The following LRRC7 variants were observed in gnomAD, a reference collection of about 807,000 sequenced individuals.
LRRC7 encodes leucine-rich repeat-containing protein 7.
In LRRC7, 23 loss-of-function variants were observed where a neutral mutation model predicts 175.7. The ratio of observed to expected loss-of-function variants is 0.13; its 90% confidence interval spans 0.09 to 0.19. The LOEUF (loss-of-function observed/expected upper bound fraction) is 0.19, where lower values mean the gene tolerates loss of function less well. Among genes scored for constraint, LRRC7 ranks in the 10% least tolerant of loss-of-function variants. LRRC7 has a pLI of 1.00. For synonymous variants in LRRC7, 685 were observed against 680.9 expected, an observed-to-expected ratio of 1.01 and a Z score of -0.09; for missense variants, 1,354 against 1,904.7, an observed-to-expected ratio of 0.71 and a Z score of 5.38.
intron 7 of LRRC7, chr1:69,919,828 C>A: frequency 2.7e-6 from 2 of 738,446 alleles, no homozygotes; most frequent in African/African-American, 1.8e-5. Context: ...ACGTCATTGT[C>A]CGCACGGAGT....
chr1:69,954,925 A>T (rs996527083), intron 8 of LRRC7, among the ~76,000 whole-genome samples: 2 of 152,098 alleles, frequency 1.3e-5, no homozygotes, highest in African/African-American at 4.8e-5. Flanking sequence ...CAAGATGTTA[A>T]TGGCAAAGCA....
intron 13 of LRRC7, among the ~76,000 whole-genome samples, chr1:70,016,013 G>T (rs577896059): frequency 6.6e-6 from 1 of 152,312 alleles, no homozygotes; most frequent in South Asian, 2.1e-4. Flanking sequence ...AAACCAGATT[G>T]AGGGAAGTAA....
rs191614463 is a variant in LRRC7, at chr1:70,053,723, C to T, written c.4230+578C>T. ...CCCACAACAGGAGTAAAAAGAAAGC[C>T]ACAACTTGGGATAAGATACTTGCCA... On this transcript the variant is annotated intron_variant, in intron 23 of 26. Transcript: ENST00000651989. Among the ~76,000 whole-genome samples, 706 of 151,962 alleles carry T rather than the reference C, an allele frequency of 4.6e-3. 4 individuals carry two copies. The highest frequency in any genetic ancestry group is 6.5e-3 in the Non-Finnish European group (442 of 67,954).
rs1033720369 is a variant in LRRC7 at position 70,129,534 on chromosome 1, G to T, written c.*7647G>T. 1.6e-4 allele frequency among the ~76,000 whole-genome samples: 24 copies of T among 152,026 alleles called. No homozygotes were observed. The highest frequency in any genetic ancestry group is 4.1e-4 in the African/African-American group (17 of 41,382). On this transcript the variant is annotated 3_prime_UTR_variant, in exon 27 of 27. Transcript: ENST00000651989. ...TGGAATTCAACACTTTAAAAAGTGT[G>T]GGGGGGTTGCTTGAAAAGAGTCTTC...
intron 11 of LRRC7, among the ~76,000 whole-genome samples, chr1:70,004,232 A>G (rs1355956284): frequency 6.6e-6 from 1 of 152,158 alleles, no homozygotes; most frequent in Non-Finnish European, 1.5e-5. Context: ...TGGTACTAAA[A>G]TGGGGTGTGT....
chr1:69,936,760 ACT>A (rs1373325101), intron 8 of LRRC7, among the ~76,000 whole-genome samples: 1 of 151,514 alleles, frequency 6.6e-6, no homozygotes, highest in Non-Finnish European at 1.5e-5. Flanking sequence ...CTATTATTTC[ACT>A]CTTTGTGTCC....
At chr1:69,788,753 A>G (rs149391467) in intron 3 of LRRC7, among the ~76,000 whole-genome samples, 19 of 152,316 alleles carry the variant, frequency 1.2e-4, no homozygotes, top group African/African-American at 3.8e-4. Flanking sequence ...CAGCACCATC[A>G]ACAATAAAAT....
At chr1:69,936,802 T>C (rs1377820726) in intron 8 of LRRC7, among the ~76,000 whole-genome samples, 3 of 152,262 alleles carry the variant, frequency 2.0e-5, no homozygotes, top group African/African-American at 4.8e-5. Context: ...CTCCCACTTA[T>C]AAGTGAGAGC....
At chr1:69,882,781 A>T in intron 7 of LRRC7, among the ~76,000 whole-genome samples, 1 of 105,852 alleles carries the variant, frequency 9.4e-6, no homozygotes, top group South Asian at 3.5e-4. Context: ...ACCCCACCAC[A>T]GTATCCAGAG....
chr1:69,991,831 C>T (rs190221820), intron 10 of LRRC7, among the ~76,000 whole-genome samples: 9,411 of 152,144 alleles, frequency 0.062, 287 homozygotes, highest in South Asian at 0.11. Context: ...CAACAAGCCC[C>T]GTGTGCTGAG....
At chr1:69,675,619 T>C (rs1311068123) in intron 1 of LRRC7, among the ~76,000 whole-genome samples, 2 of 152,136 alleles carry the variant, frequency 1.3e-5, no homozygotes, top group Non-Finnish European at 2.9e-5. Context: ...TCACTTAAAT[T>C]GTTATTAGAT....
chr1:69,899,798 T>C (rs1040430180), intron 7 of LRRC7, among the ~76,000 whole-genome samples: 5 of 152,158 alleles, frequency 3.3e-5, no homozygotes, highest in African/African-American at 1.2e-4. Flanking sequence ...CGTGCAGCTC[T>C]TCGGCCGTAT....
chr1:69,888,181 G>T (rs1208759869), intron 7 of LRRC7, among the ~76,000 whole-genome samples: 10 of 151,746 alleles, frequency 6.6e-5, no homozygotes, highest in South Asian at 4.2e-4. Context: ...GTTTACCTAA[G>T]CAAGCCTGGG....
intron 13 of LRRC7, among the ~76,000 whole-genome samples, chr1:70,015,812 A>G (rs1656916594): frequency 6.6e-6 from 1 of 152,226 alleles, no homozygotes; most frequent in African/African-American, 2.4e-5. Context: ...AAAAGAACAT[A>G]CTTGCTGAAG....
intron 1 of LRRC7, among the ~76,000 whole-genome samples, chr1:69,633,021 G>T (rs914559867): frequency 6.6e-6 from 1 of 151,954 alleles, no homozygotes. Context: ...ATTTACAATT[G>T]TACTATTGAA....
intron 1 of LRRC7, among the ~76,000 whole-genome samples, chr1:69,630,147 A>G (rs1392240956): frequency 6.6e-6 from 1 of 151,748 alleles, no homozygotes; most frequent in South Asian, 2.1e-4. Context: ...ACATCTCTCT[A>G]TTTTCTTGTT....
At chr1:69,814,893 G>C (rs1353003620) in intron 4 of LRRC7, among the ~76,000 whole-genome samples, 1 of 152,024 alleles carries the variant, frequency 6.6e-6, no homozygotes, top group Non-Finnish European at 1.5e-5. Context: ...TTACTTTCTT[G>C]CCACATTTTG....
chr1:69,911,823 G>A (rs958422466), intron 7 of LRRC7, among the ~76,000 whole-genome samples: 16 of 151,906 alleles, frequency 1.1e-4, no homozygotes, highest in South Asian at 6.2e-4. Context: ...GCTTAGTCAC[G>A]GAGTTATGCC....
intron 1 of LRRC7, among the ~76,000 whole-genome samples, chr1:69,675,789 G>GC (rs1659680822): frequency 6.6e-6 from 1 of 151,536 alleles, no homozygotes; most frequent in African/African-American, 2.4e-5. Context: ...TCTTCACCCC[G>GC]CCCCCCACAC....
Sources: gnomAD v4.1 joint callset for allele counts (sites outside exome capture counted in the v4.1 genomes callset) on GRCh38, gnomAD v4.1.1 for gene constraint, MANE v1.5 for transcripts, NCBI Gene and HGNC (gene_info 2026-07-23, HGNC 2026-07-21) for gene names.